Variants in SLC16A1 observed in about 807,000 individuals in gnomAD.
SLC16A1 encodes the protein monocarboxylate transporter 1.
In SLC16A1, 11 loss-of-function variants were observed where a neutral mutation model predicts 32.2. That is an observed-to-expected ratio of 0.34 (90% CI 0.21 to 0.56). SLC16A1 has a LOEUF of 0.56. SLC16A1 is among the 20% of genes least tolerant of loss of function. The pLI is 0.87. For missense variants in SLC16A1, 435 were observed against 615.0 expected (o/e 0.71, Z 3.10); for synonymous variants, 231 against 226.8 (o/e 1.02, Z -0.17).
rs569941270 is a variant in SLC16A1, at chr1:112,938,960, G to A, written c.-44-9608C>T. Among the ~76,000 whole-genome samples, 8 of 150,956 alleles carry A rather than the reference G, an allele frequency of 5.3e-5. No homozygotes were observed. The South Asian group carries it at 1.7e-3, about 32-fold the overall frequency. Reference sequence around the variant, plus strand: ...GGCTGGAGTACAATGGCGCGATCTCGGCTCACTGCAACCTCCGCCATCCGG... The same window carrying A: ...GGCTGGAGTACAATGGCGCGATCTCAGCTCACTGCAACCTCCGCCATCCGG... On this transcript the variant is annotated intron_variant, in intron 1 of 4. Coordinates refer to ENST00000369626, the MANE Select transcript of SLC16A1 (RefSeq NM_003051.4).
intron 1 of SLC16A1, among the ~76,000 whole-genome samples, chr1:112,949,057 C>A (rs946059448): frequency 6.6e-6 from 1 of 151,920 alleles, no homozygotes; most frequent in East Asian, 1.9e-4. Context: ...AGGGTTTCAC[C>A]GTGTTGGCCA....
intron 2 of SLC16A1, among the ~76,000 whole-genome samples, chr1:112,927,202 G>C (rs1648973801): frequency 6.7e-6 from 1 of 148,268 alleles, no homozygotes; most frequent in Non-Finnish European, 1.5e-5. Context: ...TAATACTGTA[G>C]AAGTTAAAGT....
In SLC16A1 at chr1:112,948,903, T is replaced by A. The variant is rs900278373; in HGVS notation, c.-45+7132A>T. Among the ~76,000 whole-genome samples the A allele has an allele frequency of 5.3e-5, 8 of 152,304 alleles. 1 individual carries two copies. The highest frequency in any genetic ancestry group is 5.2e-4 in the Admixed American group (8 of 15,294). ...TGGAGTGCAGTGGCGTGATCTCCGT[T>A]CACTGCAAGCTCCGCCTCCCGGGTT... On this transcript the variant is annotated intron_variant, in intron 1 of 4. Coordinates refer to ENST00000369626, the MANE Select transcript of SLC16A1 (RefSeq NM_003051.4).
intron 1 of SLC16A1, among the ~76,000 whole-genome samples, chr1:112,947,703 T>C (rs1363214894): frequency 6.6e-6 from 1 of 152,214 alleles, no homozygotes; most frequent in Non-Finnish European, 1.5e-5. Flanking sequence ...TAATAACTGC[T>C]TGTATATAAC....
intron 1 of SLC16A1, among the ~76,000 whole-genome samples, chr1:112,933,706 A>G (rs1013612564): frequency 2.0e-5 from 3 of 152,204 alleles, no homozygotes; most frequent in African/African-American, 7.2e-5. Flanking sequence ...ATCACAATCT[A>G]ATACATACCT....
At chr1:112,925,610 C>T (rs563725911) in intron 2 of SLC16A1, among the ~76,000 whole-genome samples, 1 of 151,900 alleles carries the variant, frequency 6.6e-6, no homozygotes, top group Admixed American at 6.6e-5. Flanking sequence ...TAATCCCGGA[C>T]TCAAGTGATC....
In SLC16A1 at chr1:112,917,917, G is replaced by T. The variant is rs145916504; in HGVS notation, c.489C>A (p.Pro163=). The T allele has an allele frequency of 1.5e-4, 248 of 1,605,684 alleles. No individual in the cohort carries two copies. Among genetic ancestry groups the T allele is most frequent in the African/African-American group, 1.3e-3 (96 of 74,422 alleles). Residue 163 remains proline (P), a synonymous_variant, in exon 4 of 5, where the codon CCC becomes CCA. Transcript: ENST00000369626. This position sits in a 1 kb window ranked among gnomAD's most constrained non-coding sequence, Gnocchi z 4.1. The stretch of plus-strand genomic sequence containing the variant: ...AGATACCGAAGAAAACCTGATTGAG[G>T]GGGGCCAGAGTACAGAGGAACACAG... ...GSPVFLCTLA[P]LNQVFFGIFG...
Position 112,917,329 on chromosome 1 carries a change from A to G in SLC16A1, c.1077T>C (p.Tyr359=), listed in dbSNP as rs1381152289. 6.2e-7 allele frequency: 1 copy of G among 1,614,206 alleles called. No homozygotes were observed. The highest frequency in any genetic ancestry group is 1.7e-5 in the Admixed American group (1 of 60,024). The change falls in exon 4 of 5, where the codon TAT becomes TAC. Residue 359 remains tyrosine (Y), a synonymous_variant. Transcript: ENST00000369626. This position sits in a 1 kb window ranked among gnomAD's most constrained non-coding sequence, Gnocchi z 4.1. ...CGAAGGCAAATCCAAAGAATCCCGC[A>G]TAGACACAGAATCCAACATAGGTAG... ...LSTTYVGFCV[Y]AGFFGFAFGW... is the part of the protein sequence containing the mutation.
At chr1:112,951,192 CAA>C (rs1342321819) in intron 1 of SLC16A1, among the ~76,000 whole-genome samples, 1 of 151,752 alleles carries the variant, frequency 6.6e-6, no homozygotes, top group Non-Finnish European at 1.5e-5. Flanking sequence ...TCCCTTCCTG[CAA>C]AGAGAAAAAT....
chr1:112,922,151 A>C lies in SLC16A1; in HGVS notation c.218-18T>G. 6.2e-7 allele frequency: 1 copy of C among 1,613,192 alleles called. No individual in the cohort carries two copies. The highest frequency in any genetic ancestry group is 8.5e-7 in the Non-Finnish European group (1 of 1,179,576). ...GATAGGACCTAAAAGACAACCAAAA[A>C]TGTAGTAATATAAAGGAAACTGCTC... On this transcript the variant is annotated intron_variant, in intron 2 of 4. Coordinates refer to ENST00000369626, the MANE Select transcript of SLC16A1 (RefSeq NM_003051.4).
intron 3 of SLC16A1, 53 bp from the exon 4 acceptor site, chr1:112,918,097 T>C: frequency 2.2e-6 from 2 of 904,044 alleles, no homozygotes; most frequent in Non-Finnish European, 1.4e-6. Context: ...AATAAATAAA[T>C]AAATAATAAG....
intron 1 of SLC16A1, among the ~76,000 whole-genome samples, chr1:112,954,808 T>G (rs919954793): frequency 6.6e-6 from 1 of 152,226 alleles, no homozygotes; most frequent in Non-Finnish European, 1.5e-5. Flanking sequence ...GTGTTTTAAG[T>G]GCTAAATATC....
chr1:112,929,050 G>T, intron 2 of SLC16A1, 42 bp downstream of exon 2: 1 of 1,412,786 alleles, frequency 7.1e-7, no homozygotes, highest in Non-Finnish European at 1.0e-6. Context: ...CACTCTGGCT[G>T]CTTCATGAAA....
intron 3 of SLC16A1, among the ~76,000 whole-genome samples, chr1:112,920,600 T>C (rs1026979851): frequency 2.0e-5 from 3 of 150,954 alleles, no homozygotes. Flanking sequence ...AGTGAAACTG[T>C]GTCTCAAAAA....
chr1:112,942,337 C>T (rs1649537770), intron 1 of SLC16A1, among the ~76,000 whole-genome samples: 1 of 152,168 alleles, frequency 6.6e-6, no homozygotes, highest in African/African-American at 2.4e-5. Context: ...ATTAGTCCAA[C>T]TGAGTCAGCT....
At chr1:112,923,991 G>T in intron 2 of SLC16A1, 1 of 1,441,602 alleles carries the variant, frequency 6.9e-7, no homozygotes, top group African/African-American at 1.4e-5. Flanking sequence ...TAAGGACAAG[G>T]ACAGGAAACA....
chr1:112,921,035 G>A (rs529566322), intron 3 of SLC16A1, among the ~76,000 whole-genome samples: 1 of 152,050 alleles, frequency 6.6e-6, no homozygotes, highest in African/African-American at 2.4e-5. Flanking sequence ...CAGGTACTCA[G>A]GAGGCTGAGG....
chr1:112,954,254 G>A (rs1418018070), intron 1 of SLC16A1, among the ~76,000 whole-genome samples: 1 of 152,172 alleles, frequency 6.6e-6, no homozygotes, highest in Non-Finnish European at 1.5e-5. Flanking sequence ...AACATAAGGA[G>A]CTGAGAAATC....
chr1:112,920,239 G>A (rs1254549390), intron 3 of SLC16A1, among the ~76,000 whole-genome samples: 2 of 152,210 alleles, frequency 1.3e-5, no homozygotes, highest in African/African-American at 2.4e-5. Flanking sequence ...TTGGGAGGCC[G>A]AGGCAGGCGG....
Sources: allele counts gnomAD v4.1 joint callset (sites outside exome capture counted in the v4.1 genomes callset), GRCh38; gene constraint gnomAD v4.1.1; non-coding constraint Gnocchi (gnomAD v3.1); transcripts MANE v1.5; gene names NCBI Gene and HGNC (gene_info 2026-07-23, HGNC 2026-07-21).